Variants in SLMAP observed in about 807,000 individuals in gnomAD.
SLMAP encodes sarcolemma associated protein.
In SLMAP, 44 loss-of-function variants were observed where a neutral mutation model predicts 128.8. The observed-to-expected ratio is 0.34, with a 90% CI of 0.27 to 0.44. The LOEUF is 0.44. SLMAP is among the 20% of genes least tolerant of loss of function. SLMAP has a pLI of 1.00. For missense variants in SLMAP, 787 were observed against 985.3 expected (o/e 0.80, Z 2.69); for synonymous variants, 327 against 348.8 (o/e 0.94, Z 0.70).
At chr3:57,807,646 G>C (rs184520801) in intron 2 of SLMAP, among the ~76,000 whole-genome samples, 495 of 152,312 alleles carry the variant, frequency 3.2e-3, no homozygotes, top group Non-Finnish European at 5.2e-3. Flanking sequence ...AAGCCAACTT[G>C]ATCGTGGTGC....
chr3:57,818,439 G>A (rs570622879), intron 2 of SLMAP, among the ~76,000 whole-genome samples: 45 of 152,328 alleles, frequency 3.0e-4, no homozygotes, highest in African/African-American at 1.1e-3. Context: ...ACAGGCGTGA[G>A]CCACTGCGCC....
At chr3:57,898,340 GA>G (rs2096288124) in intron 17 of SLMAP, 1 of 152,112 alleles carries the variant, frequency 6.6e-6, no homozygotes, top group African/African-American at 2.4e-5. Flanking sequence ...GCCTTTATGG[GA>G]ACGTGGAGAA....
intron 2 of SLMAP, among the ~76,000 whole-genome samples, chr3:57,820,756 C>T (rs1243054749): frequency 6.6e-6 from 1 of 152,184 alleles, no homozygotes; most frequent in Non-Finnish European, 1.5e-5. Flanking sequence ...TCTCTCTGGT[C>T]CTGCTCCTCC....
At chr3:57,904,191 C>T (rs900066562) in intron 17 of SLMAP, among the ~76,000 whole-genome samples, 1 of 152,108 alleles carries the variant, frequency 6.6e-6, no homozygotes, top group South Asian at 2.1e-4. Flanking sequence ...TTAGTATCTC[C>T]ACTTCTATGA....
chr3:57,855,726 C>CAAA (rs554021712), intron 6 of SLMAP, among the ~76,000 whole-genome samples: 1 of 130,342 alleles, frequency 7.7e-6, no homozygotes, highest in Admixed American at 7.9e-5. Flanking sequence ...AAAAAAAAAA[C>CAAA]AAAAAAAAAA....
chr3:57,886,619 G>A (rs1231208678), intron 14 of SLMAP, among the ~76,000 whole-genome samples: 3 of 148,708 alleles, frequency 2.0e-5, no homozygotes, highest in Non-Finnish European at 4.5e-5. Context: ...AAGAAAATTT[G>A]AGGTTTAATC....
rs148617765 is a variant in SLMAP, at chr3:57,763,940, G to A, written c.198+6091G>A. 1.7e-3 allele frequency among the ~76,000 whole-genome samples: 264 copies of A among 152,238 alleles called. 1 individual carries two copies. Among genetic ancestry groups the A allele is most frequent in the African/African-American group, 6.1e-3 (253 of 41,546 alleles). Reference sequence around the variant, plus strand: ...GAAACTGACTTTGTTGGATTAGAGAGTTCTTTGAAGAGTAGCCAAGGGTGC... The same window carrying A: ...GAAACTGACTTTGTTGGATTAGAGAATTCTTTGAAGAGTAGCCAAGGGTGC... On this transcript the variant is annotated intron_variant, in intron 2 of 24. Transcript: ENST00000671191.
chr3:57,854,365 A>G (rs1268712813), intron 6 of SLMAP, among the ~76,000 whole-genome samples: 1 of 152,002 alleles, frequency 6.6e-6, no homozygotes, highest in Non-Finnish European at 1.5e-5. Context: ...TGGGAGGCCG[A>G]GGCAGGCAGA....
chr3:57,802,259 C>G (rs2088670063), intron 2 of SLMAP, among the ~76,000 whole-genome samples: 1 of 151,694 alleles, frequency 6.6e-6, no homozygotes, highest in Admixed American at 6.6e-5. Context: ...CCTTAGGCAA[C>G]TACTAATCTG....
At chr3:57,823,537 A>G (rs1272824185) in intron 2 of SLMAP, among the ~76,000 whole-genome samples, 1 of 152,198 alleles carries the variant, frequency 6.6e-6, no homozygotes, top group Admixed American at 6.5e-5. Context: ...TGTCCCTACA[A>G]AGGACATGAA....
At chr3:57,806,178 G>A (rs1036091718) in intron 2 of SLMAP, among the ~76,000 whole-genome samples, 1 of 151,970 alleles carries the variant, frequency 6.6e-6, no homozygotes, top group Admixed American at 6.5e-5. Flanking sequence ...GTATGCATTA[G>A]CCATTTGTCC....
chr3:57,870,322 G>T (rs888679086), intron 13 of SLMAP, among the ~76,000 whole-genome samples: 1 of 151,830 alleles, frequency 6.6e-6, no homozygotes, highest in Non-Finnish European at 1.5e-5. Context: ...GCTTTTCCTG[G>T]ATCCAGTTGT....
At chr3:57,791,372 A>AG (rs1220672059) in intron 2 of SLMAP, among the ~76,000 whole-genome samples, 2 of 151,960 alleles carry the variant, frequency 1.3e-5, no homozygotes, top group Non-Finnish European at 2.9e-5. Context: ...AAAAAAAAAA[A>AG]GGATCATTTT....
In SLMAP at chr3:57,783,043, A is replaced by G. The variant is rs931665630; in HGVS notation, c.198+25194A>G. Among the ~76,000 whole-genome samples, 4 of 152,248 alleles carry G rather than the reference A, an allele frequency of 2.6e-5. No individual in the cohort carries two copies. The South Asian group carries it at 8.3e-4, about 31-fold the overall frequency. On this transcript the variant is annotated intron_variant, in intron 2 of 24. Transcript: ENST00000671191. ...ATTGTGGTATAGCAACACAAAATGG[A>G]TTAAGACAGAAAATTGCTACCAAGA...
intron 2 of SLMAP, among the ~76,000 whole-genome samples, chr3:57,815,527 A>G (rs1294998997): frequency 6.6e-6 from 1 of 152,198 alleles, no homozygotes; most frequent in Non-Finnish European, 1.5e-5. Context: ...TATTTATGAT[A>G]ACCATTTATT....
intron 2 of SLMAP, among the ~76,000 whole-genome samples, chr3:57,830,093 G>A (rs2093232512): frequency 6.6e-6 from 1 of 152,128 alleles, no homozygotes; most frequent in Admixed American, 6.5e-5. Flanking sequence ...GGAGTGCAGG[G>A]GCACGATCTT....
intron 15 of SLMAP, among the ~76,000 whole-genome samples, chr3:57,894,730 A>T (rs1326979054): frequency 6.6e-6 from 1 of 152,236 alleles, no homozygotes; most frequent in Non-Finnish European, 1.5e-5. Flanking sequence ...TACAGAATGA[A>T]TAGGCCAAGT....
rs957828915 is a variant in SLMAP, at chr3:57,766,725, T to C, written c.198+8876T>C. 1.8e-4 allele frequency among the ~76,000 whole-genome samples: 27 copies of C among 152,266 alleles called. 1 individual carries two copies. Among genetic ancestry groups the C allele is most frequent in the South Asian group, 1.5e-3 (7 of 4,826 alleles). ...ACTTTGTGTACTAGCTGTATGACAG[T>C]GTTCACTGTTTCTAGAACAAGTGCC... On this transcript the variant is annotated intron_variant, in intron 2 of 24. Transcript: ENST00000671191.
intron 4 of SLMAP, among the ~76,000 whole-genome samples, chr3:57,845,569 T>G (rs1283610893): frequency 6.6e-6 from 1 of 152,190 alleles, no homozygotes; most frequent in African/African-American, 2.4e-5. Flanking sequence ...CTAACCATTA[T>G]AAGAATGGCC....
Sources: gnomAD v4.1 joint callset for allele counts (sites outside exome capture counted in the v4.1 genomes callset) on GRCh38, gnomAD v4.1.1 for gene constraint, MANE v1.5 for transcripts, NCBI Gene and HGNC (gene_info 2026-07-23, HGNC 2026-07-21) for gene names.